HIGD1C: variants seen among roughly 807,000 people sequenced by gnomAD.
HIGD1C encodes the protein HIG1 domain family member 1C.
HIGD1C carries 11 observed loss-of-function variants against 13.1 expected under a neutral mutation model. That is an observed-to-expected ratio of 0.84 (90% CI 0.53 to 1.39). HIGD1C has a LOEUF of 1.39. Among genes scored for constraint, HIGD1C ranks in the 40% most tolerant of loss-of-function variants. The pLI is 0.00. For synonymous variants in HIGD1C, 36 were observed against 37.7 expected (o/e 0.95, Z 0.17); for missense variants, 110 against 112.0 (o/e 0.98, Z 0.08).
downstream of HIGD1C, among the ~76,000 whole-genome samples, chr12:50,971,385 C>T (rs4768948): frequency 0.17 from 25,529 of 147,474 alleles, 2,561 homozygotes; most frequent in East Asian, 0.51. Context: ...TTACCGCAAA[C>T]ACATGTTTAA....
chr12:50,945,301 T>A, the HIGD1C span, among the ~76,000 whole-genome samples: 2 of 152,178 alleles, frequency 1.3e-5, no homozygotes, highest in South Asian at 4.1e-4. Context: ...ATCGTCCCTG[T>A]TTGCAAATGA....
At chr12:50,962,517 T>C (rs942512649) in intron 2 of HIGD1C, among the ~76,000 whole-genome samples, 3 of 151,798 alleles carry the variant, frequency 2.0e-5, no homozygotes, top group Non-Finnish European at 2.9e-5. Context: ...CTGGCCAACA[T>C]GGTGAAACCC....
intron 2 of HIGD1C, among the ~76,000 whole-genome samples, chr12:50,961,843 T>C (rs1488308795): frequency 6.6e-6 from 1 of 152,184 alleles, no homozygotes; most frequent in Non-Finnish European, 1.5e-5. Context: ...GGCATGGGGC[T>C]TGCAAGGAAA....
chr12:50,971,546 C>A (rs1022130002), downstream of HIGD1C, among the ~76,000 whole-genome samples: 9 of 152,160 alleles, frequency 5.9e-5, no homozygotes, highest in Admixed American at 4.6e-4. Flanking sequence ...GTAGAAAACA[C>A]AAGAAACCAA....
At chr12:50,969,678 G>A (rs1384984845) in intron 2 of HIGD1C, among the ~76,000 whole-genome samples, 2 of 150,934 alleles carry the variant, frequency 1.3e-5, no homozygotes, top group Non-Finnish European at 3.0e-5. Context: ...CTCCAGCCTG[G>A]GTGACAAGAG....
At chr12:50,944,555 C>G in the HIGD1C span, among the ~76,000 whole-genome samples, 4 of 152,178 alleles carry the variant, frequency 2.6e-5, no homozygotes. Context: ...CCTCAAGTTA[C>G]TGCTTTCTCA....
chr12:50,947,678 G>A, the HIGD1C span, among the ~76,000 whole-genome samples: 1 of 152,156 alleles, frequency 6.6e-6, no homozygotes, highest in Non-Finnish European at 1.5e-5. Context: ...TTAGGATGTG[G>A]ACATTTCTGG....
At chr12:50,941,731 C>G in the HIGD1C span, among the ~76,000 whole-genome samples, 2 of 152,158 alleles carry the variant, frequency 1.3e-5, no homozygotes, top group African/African-American at 4.8e-5. Context: ...TTTACATCTC[C>G]CACTAAACCT....
the HIGD1C span, among the ~76,000 whole-genome samples, chr12:50,936,445 C>T: frequency 1.3e-5 from 2 of 152,126 alleles, no homozygotes; most frequent in Admixed American, 1.3e-4. Context: ...TCACATAGTA[C>T]TTATAACTCT....
chr12:50,955,983 AC>A (rs749316915), intron 1 of HIGD1C, among the ~76,000 whole-genome samples: 3 of 152,264 alleles, frequency 2.0e-5, no homozygotes, highest in Non-Finnish European at 4.4e-5. Context: ...TATATGGAAA[AC>A]AGTAAAGGTT....
intron 1 of HIGD1C, among the ~76,000 whole-genome samples, chr12:50,960,553 G>C (rs1939285021): frequency 2.7e-5 from 4 of 148,368 alleles, no homozygotes; most frequent in African/African-American, 9.9e-5. Context: ...ATCAAATCCA[G>C]CTTGGTTCTT....
chr12:50,935,782 C>G, the HIGD1C span, among the ~76,000 whole-genome samples: 9 of 152,184 alleles, frequency 5.9e-5, no homozygotes, highest in Admixed American at 2.6e-4. Context: ...AGCCACCACA[C>G]CCAGCCCCAG....
At chr12:50,937,067 C>A in the HIGD1C span, among the ~76,000 whole-genome samples, 1 of 152,260 alleles carries the variant, frequency 6.6e-6, no homozygotes, top group Non-Finnish European at 1.5e-5. Context: ...TTGCTTATTA[C>A]ATAGCACGTG....
chr12:50,938,111 G>A, the HIGD1C span, among the ~76,000 whole-genome samples: 3 of 152,044 alleles, frequency 2.0e-5, no homozygotes, highest in African/African-American at 4.8e-5. Context: ...TCCTCCCTCC[G>A]CCATCAATAT....
the HIGD1C span, among the ~76,000 whole-genome samples, chr12:50,944,542 T>A: frequency 1.3e-5 from 2 of 152,118 alleles, no homozygotes; most frequent in Admixed American, 1.3e-4. Context: ...AGTTTTACCT[T>A]CCCCTCAAGT....
chr12:50,939,585 G>A, the HIGD1C span, among the ~76,000 whole-genome samples: 1 of 152,128 alleles, frequency 6.6e-6, no homozygotes, highest in South Asian at 2.1e-4. Context: ...CTGCTTTGTG[G>A]TGCAGTGGAA....
chr12:50,969,183 A>G (rs1288054393), intron 2 of HIGD1C, among the ~76,000 whole-genome samples: 1 of 151,900 alleles, frequency 6.6e-6, no homozygotes, highest in Non-Finnish European at 1.5e-5. Flanking sequence ...AGTCCCAGCT[A>G]CTAGGGGGGC....
At chr12:50,945,861 T>C in the HIGD1C span, among the ~76,000 whole-genome samples, 3 of 152,096 alleles carry the variant, frequency 2.0e-5, no homozygotes, top group Admixed American at 1.3e-4. Context: ...CAAAACAGCA[T>C]GGTACTGGTA....
At chr12:50,967,504 T>TGACCTCAAGCGAACTCCC (rs1939584970) in intron 2 of HIGD1C, among the ~76,000 whole-genome samples, 1 of 152,042 alleles carries the variant, frequency 6.6e-6, no homozygotes, top group Non-Finnish European at 1.5e-5. Flanking sequence ...CTCGAACTCC[T>TGACCTCAAGCGAACTCCC]GACCTCAAGC....
Sources: gnomAD v4.1 joint callset for allele counts (sites outside exome capture counted in the v4.1 genomes callset) on GRCh38, gnomAD v4.1.1 for gene constraint, MANE v1.5 for transcripts, NCBI Gene and HGNC (gene_info 2026-07-23, HGNC 2026-07-21) for gene names.